The following SMIM14 variants were observed in gnomAD, a reference collection of about 807,000 sequenced individuals.
The protein encoded by SMIM14 is chromosome 4 open reading frame 34.
Under a neutral mutation model 12.6 loss-of-function variants are expected in SMIM14, and 5 were observed. The ratio of observed to expected loss-of-function variants is 0.40; its 90% confidence interval spans 0.21 to 0.83. SMIM14 has a LOEUF of 0.83. Ranked by LOEUF, SMIM14 falls within the 40% of genes least tolerant of loss-of-function variation. The probability of loss-of-function intolerance (pLI) is 0.37; values close to 1 mark genes in which losing one functional copy is unlikely to be tolerated. For synonymous variants in SMIM14, 30 were observed against 40.1 expected, an observed-to-expected ratio of 0.75 and a Z score of 0.95; for missense variants, 86 against 119.1, an observed-to-expected ratio of 0.72 and a Z score of 1.29.
intron 4 of SMIM14, among the ~76,000 whole-genome samples, chr4:39,553,338 C>T (rs1417945326): frequency 2.6e-5 from 4 of 152,134 alleles, no homozygotes; most frequent in Non-Finnish European, 1.5e-5. Context: ...GCTGGGATTA[C>T]AGGTGTAAGC....
At chr4:39,606,617 G>A (rs931862196) in intron 1 of SMIM14, among the ~76,000 whole-genome samples, 4 of 143,196 alleles carry the variant, frequency 2.8e-5, no homozygotes, top group Non-Finnish European at 6.0e-5. Flanking sequence ...CTCCAGCCTG[G>A]CGACAGAGCA....
intron 1 of SMIM14, among the ~76,000 whole-genome samples, chr4:39,622,706 T>C (rs1250711864): frequency 6.6e-6 from 1 of 152,200 alleles, no homozygotes; most frequent in Non-Finnish European, 1.5e-5. Context: ...GGCCTGCAAA[T>C]GTTCGTTTTT....
chr4:39,633,913 G>A (rs963377208), intron 1 of SMIM14, among the ~76,000 whole-genome samples: 7 of 152,300 alleles, frequency 4.6e-5, no homozygotes, highest in Middle Eastern at 3.4e-3. Context: ...CAAGACCTAG[G>A]AGTCTTTGCA....
At chr4:39,616,800 CCT>C (rs1715244081) in intron 1 of SMIM14, among the ~76,000 whole-genome samples, 1 of 152,218 alleles carries the variant, frequency 6.6e-6, no homozygotes, top group South Asian at 2.1e-4. Context: ...TCCCTGGTTT[CCT>C]CTCTCCTTCA....
At position 39,556,546 on chromosome 4, in the gene SMIM14, C is replaced by T; in HGVS notation, c.149G>A (p.Gly50Asp). Residue 50 changes from glycine (G) to aspartate (D), a missense_variant, in exon 4 of 5, where the codon GGC becomes GAC. Physicochemically the swap from Gly to Asp is moderately conservative, Grantham distance 94. Transcript: ENST00000295958. ...QELPGPSGDN[G>D]ISVTMILVAW... The stretch of plus-strand genomic sequence containing the variant: ...TACCAAGATCATTGTAACACTGATG[C>T]CATTATCACCAGAGGGTCCCGGTAC... The T allele has an allele frequency of 6.2e-7, 1 of 1,609,338 alleles. No individual in the cohort carries two copies. Among genetic ancestry groups the T allele is most frequent in the Non-Finnish European group, 8.5e-7 (1 of 1,178,730 alleles).
intron 4 of SMIM14, among the ~76,000 whole-genome samples, chr4:39,554,813 A>G (rs539844815): frequency 4.6e-5 from 7 of 151,138 alleles, no homozygotes; most frequent in African/African-American, 1.7e-4. Context: ...AATAGAGGTA[A>G]CTGGCAAATT....
chr4:39,611,634 G>C (rs989974299), intron 1 of SMIM14, among the ~76,000 whole-genome samples: 8 of 151,960 alleles, frequency 5.3e-5, no homozygotes, highest in Non-Finnish European at 1.2e-4. Flanking sequence ...AGATTGCCCA[G>C]CCTGGGCAAC....
chr4:39,587,312 C>G (rs1713828922), intron 2 of SMIM14, among the ~76,000 whole-genome samples: 1 of 151,136 alleles, frequency 6.6e-6, no homozygotes, highest in Non-Finnish European at 1.5e-5. Context: ...CTGGCTAACA[C>G]AGTGAAACCC....
At chr4:39,588,663 G>A (rs554614277) in intron 2 of SMIM14, among the ~76,000 whole-genome samples, 1 of 152,024 alleles carries the variant, frequency 6.6e-6, no homozygotes, top group African/African-American at 2.4e-5. Flanking sequence ...ATATTCCATA[G>A]TATCTAAAAA....
At chr4:39,580,179 T>TTTATTATTA (rs146491231) in intron 2 of SMIM14, among the ~76,000 whole-genome samples, 8 of 151,330 alleles carry the variant, frequency 5.3e-5, no homozygotes, top group East Asian at 3.9e-4. Flanking sequence ...TGTGTGTGGT[T>TTTATTATTA]TTATTATTAT....
At chr4:39,586,757 G>A (rs1416126488) in intron 2 of SMIM14, among the ~76,000 whole-genome samples, 2 of 152,018 alleles carry the variant, frequency 1.3e-5, no homozygotes, top group Admixed American at 6.6e-5. Flanking sequence ...CCACTTTTTA[G>A]TAACACTTTT....
intron 3 of SMIM14, 134 bp downstream of exon 3, chr4:39,572,281 T>A: frequency 6.9e-6 from 1 of 144,796 alleles, no homozygotes; most frequent in Non-Finnish European, 1.2e-5. Flanking sequence ...GTGTCGCTTT[T>A]TTTTTTTTTT....
chr4:39,594,218 G>C (rs1714252436), intron 2 of SMIM14: 1 of 152,160 alleles, frequency 6.6e-6, no homozygotes, highest in Non-Finnish European at 1.5e-5. Context: ...TAGATCAATG[G>C]AACAGAACAG....
At chr4:39,618,334 C>G (rs1434308217) in intron 1 of SMIM14, among the ~76,000 whole-genome samples, 1 of 152,126 alleles carries the variant, frequency 6.6e-6, no homozygotes, top group Non-Finnish European at 1.5e-5. Flanking sequence ...AAGATGTGAT[C>G]ACCACTCTCA....
rs1298743756 is a variant in SMIM14, at chr4:39,576,660, GTATA to G, written c.76-4201_76-4198del. Among the ~76,000 whole-genome samples the G allele has an allele frequency of 9.7e-4, 70 of 72,372 alleles. 2 individuals carry two copies. The South Asian group carries it at 0.02, about 21-fold the overall frequency. 47.5% of individuals were successfully genotyped at this position (72,372 alleles called of 152,430 possible). A position where few individuals can be genotyped will look rare whatever the true frequency, so the allele number is the denominator to read the frequency against. On this transcript the variant is annotated intron_variant, in intron 2 of 4. Transcript: ENST00000295958. ...CTTATACCTATGTGTGTGTGTATGT[GTATA>G]TATATATATATATATATATATTTTT...
intron 1 of SMIM14, among the ~76,000 whole-genome samples, chr4:39,621,496 C>T (rs1331145394): frequency 1.3e-5 from 2 of 152,026 alleles, no homozygotes; most frequent in Non-Finnish European, 2.9e-5. Flanking sequence ...GTTAAAAAAA[C>T]GTGCATGCCC....
chr4:39,571,302 G>C (rs771983319), intron 3 of SMIM14, among the ~76,000 whole-genome samples: 2 of 152,114 alleles, frequency 1.3e-5, no homozygotes, highest in South Asian at 4.2e-4. Flanking sequence ...AAGTGGCTGG[G>C]CATGGTGACT....
At chr4:39,601,473 C>T (rs1221599743) in intron 2 of SMIM14, among the ~76,000 whole-genome samples, 1 of 152,216 alleles carries the variant, frequency 6.6e-6, no homozygotes, top group Non-Finnish European at 1.5e-5. Context: ...TCAGTAACTA[C>T]ATCTGTGAGT....
In SMIM14 at chr4:39,550,003, T is replaced by C. The variant is rs950113475; in HGVS notation, c.*2123A>G. Reference sequence around the variant, plus strand: ...AATATTGGATTATATAATGAAAAGATGCCCTTACAATGTTTATGATCTAGA... The same window carrying C: ...AATATTGGATTATATAATGAAAAGACGCCCTTACAATGTTTATGATCTAGA... On this transcript the variant is annotated 3_prime_UTR_variant, in exon 5 of 5. Coordinates refer to ENST00000295958, the MANE Select transcript of SMIM14 (RefSeq NM_174921.3). The C allele has an allele frequency of 1.3e-5, 2 of 152,138 alleles. No individual in the cohort carries two copies. Among genetic ancestry groups the C allele is most frequent in the Admixed American group, 6.5e-5 (1 of 15,270 alleles). The allele number at this position is 152,138 out of a possible 1,614,324, so 9.4% of individuals were successfully genotyped here. A position where few individuals can be genotyped will look rare whatever the true frequency, so the allele number is the denominator to read the frequency against.
Sources: gnomAD v4.1 joint callset for allele counts (sites outside exome capture counted in the v4.1 genomes callset) on GRCh38, gnomAD v4.1.1 for gene constraint, MANE v1.5 for transcripts, NCBI Gene and HGNC (gene_info 2026-07-23, HGNC 2026-07-21) for gene names.